Variants in SMYD3 observed in about 807,000 individuals in gnomAD.
The protein encoded by SMYD3 is histone-lysine N-methyltransferase SMYD3.
In SMYD3, 36 loss-of-function variants were observed where a neutral mutation model predicts 57.7. The ratio of observed to expected loss-of-function variants is 0.62; its 90% CI spans 0.48 to 0.82. SMYD3 has a LOEUF of 0.82. Ranked by LOEUF, SMYD3 falls within the 40% of genes least tolerant of loss-of-function variation. The pLI, the probability that SMYD3 is intolerant of heterozygous loss-of-function variation, is 0.00. For synonymous variants in SMYD3, 211 were observed against 195.0 expected, an observed-to-expected ratio of 1.08 and a Z score of -0.68; for missense variants, 515 against 538.8, an observed-to-expected ratio of 0.96 and a Z score of 0.44.
At chr1:246,331,546 C>G (rs528817460) in intron 3 of SMYD3, among the ~76,000 whole-genome samples, 1 of 152,002 alleles carries the variant, frequency 6.6e-6, no homozygotes, top group African/African-American at 2.4e-5. Context: ...TTCACTGCTA[C>G]AGATTCCATG....
Position 246,085,882 on chromosome 1 carries a change from A to C in SMYD3, c.532-155945T>G, listed in dbSNP as rs137997769. ...ATATCTTTGTTTCTGATCAACCTTA[A>C]AGGATTTGATAATTTGCATTATAGA... On this transcript the variant is annotated intron_variant, in intron 5 of 11. Coordinates refer to ENST00000490107, the MANE Select transcript of SMYD3 (RefSeq NM_001167740.2). Among the ~76,000 whole-genome samples, 157 of 152,112 alleles carry C rather than the reference A, an allele frequency of 1.0e-3. 3 individuals carry two copies. In the East Asian group the frequency reaches 0.024, roughly 23 times the overall value.
chr1:246,167,176 C>T (rs771851442), intron 5 of SMYD3, among the ~76,000 whole-genome samples: 7 of 152,220 alleles, frequency 4.6e-5, no homozygotes, highest in Non-Finnish European at 1.0e-4. Flanking sequence ...TTGGTGTATT[C>T]ATTCAACTAA....
intron 10 of SMYD3, among the ~76,000 whole-genome samples, chr1:245,778,375 G>A (rs2046689380): frequency 6.6e-6 from 1 of 152,104 alleles, no homozygotes; most frequent in South Asian, 2.1e-4. Context: ...CACAAATGTA[G>A]CCAATTATTT....
chr1:246,146,719 G>A (rs960778907), intron 5 of SMYD3, among the ~76,000 whole-genome samples: 3 of 152,102 alleles, frequency 2.0e-5, no homozygotes, highest in Non-Finnish European at 4.4e-5. Flanking sequence ...TAATAATGGG[G>A]CCTACACACC....
At chr1:246,182,072 C>T (rs1572168692) in intron 5 of SMYD3, among the ~76,000 whole-genome samples, 1 of 152,150 alleles carries the variant, frequency 6.6e-6, no homozygotes, top group Non-Finnish European at 1.5e-5. Flanking sequence ...AGTTAACAGT[C>T]TTAAATTCTG....
chr1:245,817,758 C>A (rs1243624869), intron 10 of SMYD3, among the ~76,000 whole-genome samples: 1 of 152,050 alleles, frequency 6.6e-6, no homozygotes, highest in East Asian at 1.9e-4. Flanking sequence ...ATGCAGAAGC[C>A]TCAGGAGCCG....
chr1:246,418,453 C>T (rs571073299), intron 1 of SMYD3, among the ~76,000 whole-genome samples: 1 of 152,160 alleles, frequency 6.6e-6, no homozygotes, highest in Admixed American at 6.5e-5. Context: ...CCTGAAGCCC[C>T]AGTGGGCATG....
intron 5 of SMYD3, among the ~76,000 whole-genome samples, chr1:246,240,494 C>A (rs989467696): frequency 2.6e-5 from 4 of 152,144 alleles, no homozygotes; most frequent in Non-Finnish European, 4.4e-5. Context: ...GTTACTGTAG[C>A]CTTGTAGTAT....
intron 10 of SMYD3, among the ~76,000 whole-genome samples, chr1:245,816,798 G>T (rs566876421): frequency 6.6e-6 from 1 of 152,158 alleles, no homozygotes; most frequent in Non-Finnish European, 1.5e-5. Flanking sequence ...GACGCACCTG[G>T]AAAATCGGGT....
At chr1:246,492,291 G>C (rs1258224978) in intron 1 of SMYD3, among the ~76,000 whole-genome samples, 1 of 152,090 alleles carries the variant, frequency 6.6e-6, no homozygotes, top group African/African-American at 2.4e-5. Flanking sequence ...ACCTCCAAAG[G>C]CTCTGATTCG....
intron 5 of SMYD3, among the ~76,000 whole-genome samples, chr1:245,959,646 A>C (rs1482963872): frequency 6.6e-6 from 1 of 152,160 alleles, no homozygotes; most frequent in East Asian, 1.9e-4. Flanking sequence ...TGACCACCTG[A>C]AGGTCTCTGC....
rs532758469 is a variant in SMYD3, at chr1:246,247,481, A to T, written c.531+79720T>A. On this transcript the variant is annotated intron_variant, in intron 5 of 11. Transcript: ENST00000490107. ...TCTCTCTCTCTATATATATATATATATATATTTTTTAACATGGGACTCATA... is the reference window on the plus strand; with the variant it reads ...TCTCTCTCTCTATATATATATATATTTATATTTTTTAACATGGGACTCATA... Among the ~76,000 whole-genome samples, 341 of 144,542 alleles carry T rather than the reference A, an allele frequency of 2.4e-3. 5 individuals carry two copies. The highest frequency in any genetic ancestry group is 7.6e-3 in the African/African-American group (292 of 38,324). 94.8% of individuals were successfully genotyped at this position (144,542 alleles called of 152,430 possible). A position where few individuals can be genotyped will look rare whatever the true frequency, so the allele number is the denominator to read the frequency against.
At chr1:246,051,608 T>C (rs1043827602) in intron 5 of SMYD3, among the ~76,000 whole-genome samples, 5 of 149,922 alleles carry the variant, frequency 3.3e-5, no homozygotes, top group African/African-American at 7.4e-5. Context: ...CAGAAAAAAA[T>C]AGCAATTAAA....
chr1:245,957,816 T>C (rs2057891562), intron 5 of SMYD3, among the ~76,000 whole-genome samples: 1 of 152,196 alleles, frequency 6.6e-6, no homozygotes, highest in African/African-American at 2.4e-5. Flanking sequence ...AGTCATAACT[T>C]ACCTTCCTCA....
At chr1:246,475,611 A>T (rs562809882) in intron 1 of SMYD3, among the ~76,000 whole-genome samples, 1 of 151,956 alleles carries the variant, frequency 6.6e-6, no homozygotes, top group South Asian at 2.1e-4. Context: ...ACACCACTGC[A>T]CTCCAGCCTG....
At chr1:246,347,157 A>G (rs2065735508) in intron 2 of SMYD3, among the ~76,000 whole-genome samples, 2 of 152,204 alleles carry the variant, frequency 1.3e-5, no homozygotes, top group African/African-American at 2.4e-5. Flanking sequence ...TTATAAAAAA[A>G]AAACAGAATA....
intron 5 of SMYD3, among the ~76,000 whole-genome samples, chr1:246,016,005 A>G (rs12129767): frequency 0.03 from 4,580 of 152,270 alleles, 99 homozygotes; most frequent in South Asian, 0.042. Flanking sequence ...TCGAGGCCTA[A>G]GCAGTCATTC....
chr1:246,427,528 A>T (rs1233378281), intron 1 of SMYD3, among the ~76,000 whole-genome samples: 37 of 147,216 alleles, frequency 2.5e-4, no homozygotes, highest in African/African-American at 7.2e-4. Flanking sequence ...TCAAAAAAAA[A>T]AAAAATAAAA....
Position 245,954,955 on chromosome 1 carries a change from G to A in SMYD3, c.532-25018C>T, listed in dbSNP as rs1310750532. 3.9e-5 allele frequency among the ~76,000 whole-genome samples: 6 copies of A among 152,288 alleles called. No individual in the cohort carries two copies. The South Asian group carries it at 1.0e-3, about 26-fold the overall frequency. On this transcript the variant is annotated intron_variant, in intron 5 of 11. Coordinates refer to ENST00000490107, the MANE Select transcript of SMYD3 (RefSeq NM_001167740.2). ...ACAGGAGATCTACCCAGTAGTTGCAGAATAAAGACAAAATTCTCTCGTGTG... is the reference window on the plus strand; with the variant it reads ...ACAGGAGATCTACCCAGTAGTTGCAAAATAAAGACAAAATTCTCTCGTGTG...
Sources: gnomAD v4.1 joint callset for allele counts (sites outside exome capture counted in the v4.1 genomes callset) on GRCh38, gnomAD v4.1.1 for gene constraint, MANE v1.5 for transcripts, NCBI Gene and HGNC (gene_info 2026-07-23, HGNC 2026-07-21) for gene names.